Variants in EPHA3 observed in about 807,000 individuals in gnomAD.
EPHA3 encodes the protein ephrin type-A receptor 3.
In EPHA3, 42 loss-of-function variants were observed where a neutral mutation model predicts 107.1. That is an observed-to-expected ratio of 0.39 (90% CI 0.31 to 0.51). The LOEUF (loss-of-function observed/expected upper bound fraction) is 0.51, where lower values mean the gene tolerates loss of function less well. EPHA3 is among the 20% of genes least tolerant of loss of function. EPHA3 has a pLI of 0.78. For synonymous variants in EPHA3, 461 were observed against 424.8 expected, an observed-to-expected ratio of 1.09 and a Z score of -1.05; for missense variants, 1,183 against 1,211.2, an observed-to-expected ratio of 0.98 and a Z score of 0.35.
At chr3:89,219,557 T>G (rs1253534605) in intron 3 of EPHA3, among the ~76,000 whole-genome samples, 3 of 151,892 alleles carry the variant, frequency 2.0e-5, no homozygotes, top group African/African-American at 4.8e-5. Context: ...TCAAGGAACT[T>G]AGATTTGAGT....
At chr3:89,408,883 A>G (rs575762828) in intron 9 of EPHA3, among the ~76,000 whole-genome samples, 1 of 152,150 alleles carries the variant, frequency 6.6e-6, no homozygotes, top group African/African-American at 2.4e-5. Context: ...AATAATCTCA[A>G]TATAACTAAT....
At chr3:89,330,543 C>G (rs1324142047) in intron 3 of EPHA3, among the ~76,000 whole-genome samples, 1 of 151,858 alleles carries the variant, frequency 6.6e-6, no homozygotes, top group African/African-American at 2.4e-5. Flanking sequence ...AATTTGAAAG[C>G]TGAGTTAATT....
At chr3:89,195,963 A>C (rs576306998) in intron 2 of EPHA3, among the ~76,000 whole-genome samples, 1 of 152,246 alleles carries the variant, frequency 6.6e-6, no homozygotes, top group South Asian at 2.1e-4. Context: ...ATTCTAGGAA[A>C]AAGTAAAACT....
intron 1 of EPHA3, among the ~76,000 whole-genome samples, chr3:89,113,485 C>CAAAA (rs753848304): frequency 0.062 from 1,927 of 31,030 alleles, 594 homozygotes; most frequent in African/African-American, 0.076. Context: ...TTCCTTTGTA[C>CAAAA]AAAAAAAAAA....
chr3:89,312,681 C>A (rs1706792172), intron 3 of EPHA3, among the ~76,000 whole-genome samples: 1 of 151,860 alleles, frequency 6.6e-6, no homozygotes, highest in African/African-American at 2.4e-5. Context: ...TTTCATCACC[C>A]AGGTATTAAC....
At chr3:89,261,337 G>A (rs1192771541) in intron 3 of EPHA3, among the ~76,000 whole-genome samples, 10 of 151,966 alleles carry the variant, frequency 6.6e-5, no homozygotes, top group Admixed American at 6.6e-4. Flanking sequence ...CTTGTTCTTT[G>A]TATGTTCAGC....
chr3:89,429,015 A>T (rs915617296), intron 11 of EPHA3, 91 bp from the exon 12 acceptor site: 2 of 809,086 alleles, frequency 2.5e-6, no homozygotes, highest in African/African-American at 3.6e-5. Context: ...ACATCTCTAT[A>T]ATCCTCAGGT....
intron 3 of EPHA3, among the ~76,000 whole-genome samples, chr3:89,226,614 A>G (rs1280330651): frequency 2.6e-5 from 4 of 152,074 alleles, no homozygotes; most frequent in Non-Finnish European, 4.4e-5. Context: ...CTGATCCATG[A>G]TTGGATAGGT....
At chr3:89,353,088 A>G (rs1707867364) in intron 5 of EPHA3, among the ~76,000 whole-genome samples, 2 of 151,158 alleles carry the variant, frequency 1.3e-5, no homozygotes, top group Admixed American at 6.6e-5. Flanking sequence ...ACTCATGTTG[A>G]AGATATCAGT....
At chr3:89,355,221 A>G (rs1325808676) in intron 5 of EPHA3, among the ~76,000 whole-genome samples, 1 of 151,276 alleles carries the variant, frequency 6.6e-6, no homozygotes, top group Non-Finnish European at 1.5e-5. Flanking sequence ...TGTGTGTCCA[A>G]AGAGGTAAAT....
At chr3:89,202,515 CAAAAAA>C (rs375753577) in intron 2 of EPHA3, among the ~76,000 whole-genome samples, 1,434 of 116,716 alleles carry the variant, frequency 0.012, 15 homozygotes, top group African/African-American at 0.04. Flanking sequence ...GACTCTGTCT[CAAAAAA>C]AAAAAAAAAA....
At chr3:89,369,767 G>A (rs1191536190) in intron 5 of EPHA3, among the ~76,000 whole-genome samples, 2 of 148,084 alleles carry the variant, frequency 1.4e-5, no homozygotes, top group Non-Finnish European at 3.0e-5. Context: ...TCTGACAAAG[G>A]GCTAATATCC....
At chr3:89,216,255 C>T (rs1704221913) in intron 3 of EPHA3, among the ~76,000 whole-genome samples, 1 of 151,904 alleles carries the variant, frequency 6.6e-6, no homozygotes, top group Non-Finnish European at 1.5e-5. Context: ...AAAAGTAGCT[C>T]TCATTTTACT....
chr3:89,169,239 A>G (rs1257307917), intron 2 of EPHA3, among the ~76,000 whole-genome samples: 1 of 151,770 alleles, frequency 6.6e-6, no homozygotes, highest in African/African-American at 2.4e-5. Flanking sequence ...TGCTAATTAT[A>G]CATGTTTTTT....
intron 3 of EPHA3, among the ~76,000 whole-genome samples, chr3:89,279,767 T>A (rs1333061027): frequency 6.6e-6 from 1 of 152,118 alleles, no homozygotes; most frequent in Non-Finnish European, 1.5e-5. Context: ...TTGGTTACAG[T>A]CCTCCTTGCT....
chr3:89,223,122 ATACTTGTT>A (rs1704419539), intron 3 of EPHA3, among the ~76,000 whole-genome samples: 1 of 152,190 alleles, frequency 6.6e-6, no homozygotes, highest in Non-Finnish European at 1.5e-5. Flanking sequence ...TTCATTGTTT[ATACTTGTT>A]ATACTTTCAT....
chr3:89,219,214 A>AGTGCAGTGGCAGGAT (rs1704289525), intron 3 of EPHA3, among the ~76,000 whole-genome samples: 1 of 152,076 alleles, frequency 6.6e-6, no homozygotes, highest in Non-Finnish European at 1.5e-5. Context: ...CCCAGGTTAA[A>AGTGCAGTGGCAGGAT]GTGCAGTGGC....
intron 5 of EPHA3, among the ~76,000 whole-genome samples, chr3:89,357,453 A>G (rs915263605): frequency 3.3e-5 from 5 of 151,130 alleles, no homozygotes; most frequent in Non-Finnish European, 5.9e-5. Flanking sequence ...ATTTTAAAGA[A>G]AGAAAATTTT....
intron 15 of EPHA3, among the ~76,000 whole-genome samples, chr3:89,469,796 C>T (rs772340959): frequency 1.4e-4 from 22 of 152,164 alleles, no homozygotes; most frequent in Middle Eastern, 3.4e-3. Flanking sequence ...AAATTAGCCC[C>T]TTAGAGACCT....
Sources: allele counts gnomAD v4.1 joint callset (sites outside exome capture counted in the v4.1 genomes callset), GRCh38; gene constraint gnomAD v4.1.1; transcripts MANE v1.5; gene names NCBI Gene and HGNC (gene_info 2026-07-23, HGNC 2026-07-21).